MIPEP: variants seen among roughly 807,000 people sequenced by gnomAD.
MIPEP encodes mitochondrial intermediate peptidase.
In MIPEP, 79 loss-of-function variants were observed where a neutral mutation model predicts 90.3. That is an observed-to-expected ratio of 0.87 (90% CI 0.73 to 1.05). MIPEP has a LOEUF of 1.05. Ranked by LOEUF, MIPEP falls within the 50% of genes least tolerant of loss-of-function variation. The probability of loss-of-function intolerance (pLI) is 0.00; values close to 1 mark genes in which losing one functional copy is unlikely to be tolerated. For missense variants in MIPEP, 940 were observed against 905.6 expected, an observed-to-expected ratio of 1.04 and a Z score of -0.49; for synonymous variants, 334 against 315.8, an observed-to-expected ratio of 1.06 and a Z score of -0.61.
chr13:23,767,923 AGT>A (rs1952608132), intron 16 of MIPEP, among the ~76,000 whole-genome samples: 1 of 152,152 alleles, frequency 6.6e-6, no homozygotes, highest in Admixed American at 6.5e-5. Flanking sequence ...TTTCTTGCTA[AGT>A]GTGAACAGGA....
At chr13:23,849,273 A>C (rs1869694257) in intron 10 of MIPEP, among the ~76,000 whole-genome samples, 1 of 152,256 alleles carries the variant, frequency 6.6e-6, no homozygotes, top group African/African-American at 2.4e-5. Flanking sequence ...CACCATGGGC[A>C]GCATATAGGA....
At chr13:23,738,074 G>A (rs145115877) in intron 18 of MIPEP, among the ~76,000 whole-genome samples, 5 of 152,132 alleles carry the variant, frequency 3.3e-5, no homozygotes, top group Non-Finnish European at 5.9e-5. Flanking sequence ...TTGAATATTT[G>A]TAAGAGTTTT....
intron 16 of MIPEP, among the ~76,000 whole-genome samples, chr13:23,768,650 C>A (rs567522625): frequency 1.3e-5 from 2 of 152,250 alleles, no homozygotes; most frequent in South Asian, 4.2e-4. Context: ...TAAGAAGGAT[C>A]ACCTGAGCCT....
At chr13:23,878,259 C>T (rs1017090989) in intron 4 of MIPEP, among the ~76,000 whole-genome samples, 4 of 152,188 alleles carry the variant, frequency 2.6e-5, no homozygotes, top group African/African-American at 9.7e-5. Context: ...TGTGATGACA[C>T]AGCTAGCTTC....
chr13:23,867,957 T>G (rs969587645), intron 7 of MIPEP, among the ~76,000 whole-genome samples: 1 of 151,234 alleles, frequency 6.6e-6, no homozygotes, highest in African/African-American at 2.4e-5. Flanking sequence ...AAAATAAAAA[T>G]ATGGTACTAT....
At chr13:23,757,164 A>G (rs916875924) in intron 17 of MIPEP, among the ~76,000 whole-genome samples, 2 of 152,028 alleles carry the variant, frequency 1.3e-5, no homozygotes, top group African/African-American at 4.8e-5. Context: ...GTGATGGGAG[A>G]CAGTGACAGA....
At chr13:23,841,793 C>A (rs1686785360) in intron 10 of MIPEP, among the ~76,000 whole-genome samples, 1 of 152,174 alleles carries the variant, frequency 6.6e-6, no homozygotes, top group South Asian at 2.1e-4. Context: ...TCACTGTATA[C>A]ATTCCTTATA....
chr13:23,772,437 C>T (rs1952663430), intron 16 of MIPEP, among the ~76,000 whole-genome samples: 2 of 151,862 alleles, frequency 1.3e-5, no homozygotes, highest in Admixed American at 1.3e-4. Context: ...ATATTCAATA[C>T]CATTAGTTAA....
At chr13:23,818,079 G>C (rs189492047) in intron 14 of MIPEP, among the ~76,000 whole-genome samples, 52 of 149,702 alleles carry the variant, frequency 3.5e-4, no homozygotes, top group African/African-American at 1.1e-3. Flanking sequence ...GGGTTTTGCA[G>C]TGAGCTAAGC....
intron 16 of MIPEP, among the ~76,000 whole-genome samples, chr13:23,769,658 C>T (rs1048499622): frequency 6.6e-6 from 1 of 152,138 alleles, no homozygotes; most frequent in Non-Finnish European, 1.5e-5. Context: ...TCTCCGCCTG[C>T]CGTGGGGAAT....
rs768848707 is a variant in MIPEP, at chr13:23,839,681, C to T, written c.1306G>A (p.Asp436Asn). ...GGTTTGTCTGCTCGCTGAAAAAAATCACAGTAAATGTACCCCAACAATCCT... is the reference window on the plus strand; with the variant it reads ...GGTTTGTCTGCTCGCTGAAAAAAATTACAGTAAATGTACCCCAACAATCCT... ...SEGLLGYIYC[D>N]FFQRADKPHQ... Residue 436 changes from aspartate to asparagine, a missense_variant, in exon 12 of 19, where the codon GAT becomes AAT. Asp to Asn is a conservative substitution (Grantham distance 23, BLOSUM62 1). Coordinates refer to ENST00000382172, the MANE Select transcript of MIPEP (RefSeq NM_005932.4). 11 of 1,612,746 alleles carry T rather than the reference C, an allele frequency of 6.8e-6. No individual in the cohort carries two copies. Among genetic ancestry groups the T allele is most frequent in the Non-Finnish European group, 9.3e-6 (11 of 1,179,568 alleles).
intron 18 of MIPEP, among the ~76,000 whole-genome samples, chr13:23,755,993 A>T (rs1162424611): frequency 6.6e-6 from 1 of 152,184 alleles, no homozygotes; most frequent in African/African-American, 2.4e-5. Flanking sequence ...CAAATAAAAA[A>T]TTTTTCTATT....
At chr13:23,807,619 A>G (rs1566000661) in intron 15 of MIPEP, among the ~76,000 whole-genome samples, 1 of 152,226 alleles carries the variant, frequency 6.6e-6, no homozygotes. Context: ...AGCTAAATAT[A>G]GCTCTTTCAA....
chr13:23,736,615 G>A (rs1441803829), intron 18 of MIPEP, among the ~76,000 whole-genome samples: 1 of 152,128 alleles, frequency 6.6e-6, no homozygotes, highest in Non-Finnish European at 1.5e-5. Flanking sequence ...TCCAAACTGC[G>A]GCTTTCCAGT....
At chr13:23,824,085 T>C (rs1953339752) in intron 14 of MIPEP, among the ~76,000 whole-genome samples, 1 of 152,232 alleles carries the variant, frequency 6.6e-6, no homozygotes, top group Non-Finnish European at 1.5e-5. Context: ...GCACAGCATT[T>C]TGGAATGATT....
At chr13:23,745,214 GTAAAGA>G (rs967514031) in intron 18 of MIPEP, among the ~76,000 whole-genome samples, 2 of 150,172 alleles carry the variant, frequency 1.3e-5, no homozygotes, top group Non-Finnish European at 2.9e-5. Flanking sequence ...AAACTTTAAT[GTAAAGA>G]TAAACTATTA....
At chr13:23,846,066 A>G (rs1161342627) in intron 10 of MIPEP, among the ~76,000 whole-genome samples, 4 of 151,632 alleles carry the variant, frequency 2.6e-5, no homozygotes, top group Non-Finnish European at 5.9e-5. Flanking sequence ...ACGGGCCTCT[A>G]TTGGTTTTAA....
intron 18 of MIPEP, among the ~76,000 whole-genome samples, chr13:23,744,054 C>T (rs9318021): frequency 0.019 from 2,845 of 152,320 alleles, 96 homozygotes; most frequent in African/African-American, 0.065. Context: ...ATGCTTTCCT[C>T]ATTTATTCCT....
At chr13:23,843,719 G>A (rs556401153) in intron 10 of MIPEP, among the ~76,000 whole-genome samples, 3 of 152,160 alleles carry the variant, frequency 2.0e-5, no homozygotes, top group African/African-American at 7.2e-5. Flanking sequence ...GCTGACAGGA[G>A]GACAGACTTC....
Sources: allele counts gnomAD v4.1 joint callset (sites outside exome capture counted in the v4.1 genomes callset), GRCh38; gene constraint gnomAD v4.1.1; transcripts MANE v1.5; gene names NCBI Gene and HGNC (gene_info 2026-07-23, HGNC 2026-07-21).